EDNRB: variants seen among roughly 807,000 people sequenced by gnomAD.
The protein encoded by EDNRB is Hirschsprung disease 2.
A neutral mutation model predicts 46.4 loss-of-function variants in EDNRB; 18 were observed. The observed-to-expected ratio is 0.39, with a 90% CI of 0.27 to 0.57. The LOEUF is 0.57. Among genes scored for constraint, EDNRB ranks in the 20% least tolerant of loss-of-function variants. EDNRB has a pLI of 0.61. For synonymous variants in EDNRB, 213 were observed against 204.9 expected (o/e 1.04, Z -0.34); for missense variants, 434 against 537.5 (o/e 0.81, Z 1.90).
chr13:77,901,714 C>T (rs983962133), intron 3 of EDNRB, among the ~76,000 whole-genome samples: 4 of 151,856 alleles, frequency 2.6e-5, no homozygotes, highest in African/African-American at 9.7e-5. Context: ...TGACTTATGT[C>T]GTATCTCTTA....
At chr13:77,916,409 A>G (rs1380971174) in intron 1 of EDNRB, among the ~76,000 whole-genome samples, 1 of 152,184 alleles carries the variant, frequency 6.6e-6, no homozygotes, top group Non-Finnish European at 1.5e-5. Context: ...TTGTGGCTGC[A>G]TTTAGAGATT....
At chr13:77,957,378 C>T (rs771408095) in intron 1 of EDNRB, among the ~76,000 whole-genome samples, 9 of 152,146 alleles carry the variant, frequency 5.9e-5, no homozygotes, top group Non-Finnish European at 1.2e-4. Context: ...AGAATGCAAG[C>T]AGGCAAATCT....
chr13:77,931,968 T>G (rs1880422834), intron 1 of EDNRB, among the ~76,000 whole-genome samples: 1 of 151,954 alleles, frequency 6.6e-6, no homozygotes. Context: ...TTTAATTCTA[T>G]TTTCTACAAT....
intron 1 of EDNRB, among the ~76,000 whole-genome samples, chr13:77,914,817 G>A (rs1879731901): frequency 6.6e-6 from 1 of 152,210 alleles, no homozygotes; most frequent in Admixed American, 6.5e-5. Context: ...CCTGAAGACT[G>A]TAGCTTCCAA....
intron 1 of EDNRB, among the ~76,000 whole-genome samples, chr13:77,935,374 G>A (rs1880532204): frequency 6.6e-6 from 1 of 152,166 alleles, no homozygotes; most frequent in South Asian, 2.1e-4. Flanking sequence ...TAGGGTGGGG[G>A]CAGTCTCTAA....
rs371057149 is a variant in EDNRB, at chr13:77,903,196, A to T, written c.761T>A (p.Ile254Asn). The T allele has an allele frequency of 2.5e-6, 4 of 1,612,954 alleles. No individual in the cohort carries two copies. In the African/African-American group the frequency reaches 5.3e-5, roughly 22 times the overall value. The change falls in exon 3 of 7, where the codon ATC becomes AAC. Residue 254 changes from isoleucine (I) to asparagine (N), a missense_variant. Transcript: ENST00000646607. ...CTTCTGAACGGGATGAAGCAAGCAGATTCGCAGATAACTTCCTTTGTAGTC... is the reference window on the plus strand; with the variant it reads ...CTTCTGAACGGGATGAAGCAAGCAGTTTCGCAGATAACTTCCTTTGTAGTC... ...TMDYKGSYLRICLLHPVQKTA... is the reference protein window; with the variant it reads ...TMDYKGSYLRNCLLHPVQKTA...
Position 77,903,618 on chromosome 13 carries a change from A to G in EDNRB, c.484-11T>C. 1.9e-6 allele frequency: 3 copies of G among 1,611,408 alleles called. No homozygotes were observed. Among genetic ancestry groups the G allele is most frequent in the Non-Finnish European group, 1.7e-6 (2 of 1,178,092 alleles). On this transcript the variant is annotated splice_polypyrimidine_tract_variant and intron_variant, in intron 1 of 6. Transcript: ENST00000646607. ...GTCCTCTGCCAGCAGCTGCATTGAG[A>G]AGACACGAAGCTCTGTTAGGGGGTT... is the stretch of plus-strand genomic sequence containing the variant.
intron 1 of EDNRB, among the ~76,000 whole-genome samples, chr13:77,958,394 A>C (rs1264305511): frequency 6.8e-6 from 1 of 147,038 alleles, no homozygotes; most frequent in Non-Finnish European, 1.5e-5. Context: ...ATTTATTTTG[A>C]GACGGAGTCT....
intron 1 of EDNRB, chr13:77,944,700 G>A (rs1338059275): frequency 6.6e-6 from 1 of 152,114 alleles, no homozygotes; most frequent in Non-Finnish European, 1.5e-5. Context: ...AAATGAACAG[G>A]ATTTCTAAAG....
chr13:77,940,023 T>TAAATAAATAAAA (rs1314522161), intron 1 of EDNRB: 4 of 147,672 alleles, frequency 2.7e-5, no homozygotes, highest in African/African-American at 2.5e-5. Flanking sequence ...AATAAATAAA[T>TAAATAAATAAAA]AAAATAAAAA....
At chr13:77,954,672 A>G (rs1048951389) in intron 1 of EDNRB, among the ~76,000 whole-genome samples, 3 of 151,716 alleles carry the variant, frequency 2.0e-5, no homozygotes, top group African/African-American at 7.3e-5. Context: ...ACACATGGCT[A>G]ATTTTTGTAT....
chr13:77,914,258 G>A (rs1052989563), intron 1 of EDNRB, among the ~76,000 whole-genome samples: 1 of 152,052 alleles, frequency 6.6e-6, no homozygotes, highest in Non-Finnish European at 1.5e-5. Flanking sequence ...TGTTTGTCAC[G>A]ACAAAAGCTG....
At position 77,897,442 on chromosome 13, in the gene EDNRB, C is replaced by T; in HGVS notation, c.*758G>A. 2 of 985,018 alleles carry T rather than the reference C, an allele frequency of 2.0e-6. No individual in the cohort carries two copies. The highest frequency in any genetic ancestry group is 2.4e-6 in the Non-Finnish European group (2 of 829,630). The allele number at this position is 985,018 out of a possible 1,614,324, so 61.0% of individuals were successfully genotyped here. ...TTCTCTTTGTGAGGTTTGATCTTAA[C>T]TGAATGTAAAGGATGTAATAATTTT... On this transcript the variant is annotated 3_prime_UTR_variant, in exon 7 of 7. Transcript: ENST00000646607.
At chr13:77,911,015 C>A (rs1879539859) in intron 1 of EDNRB, among the ~76,000 whole-genome samples, 1 of 151,806 alleles carries the variant, frequency 6.6e-6, no homozygotes, top group South Asian at 2.1e-4. Flanking sequence ...CTGTAACAGG[C>A]CAGGAAAGAA....
upstream of EDNRB, among the ~76,000 whole-genome samples, chr13:77,922,293 C>T (rs1425319983): frequency 6.6e-6 from 1 of 152,168 alleles, no homozygotes; most frequent in Admixed American, 6.5e-5. Flanking sequence ...AATGCTTTAT[C>T]TAGAAGTTCC....
intron 1 of EDNRB, among the ~76,000 whole-genome samples, chr13:77,943,660 C>T (rs563172693): frequency 2.0e-5 from 3 of 152,152 alleles, no homozygotes; most frequent in South Asian, 4.2e-4. Flanking sequence ...GCATTCTTGA[C>T]TTATGAAATC....
At chr13:77,906,534 A>G (rs943258242) in intron 1 of EDNRB, among the ~76,000 whole-genome samples, 1 of 151,996 alleles carries the variant, frequency 6.6e-6, no homozygotes, top group African/African-American at 2.4e-5. Flanking sequence ...CTCTTGGAAC[A>G]CTTATTCTGG....
chr13:77,924,393 T>C (rs1467780490), upstream of EDNRB, among the ~76,000 whole-genome samples: 1 of 152,166 alleles, frequency 6.6e-6, no homozygotes, highest in African/African-American at 2.4e-5. Context: ...TTACTTCTTA[T>C]GAGGGCAGCA....
In EDNRB at chr13:77,895,742, T is replaced by G. The variant is rs1200000840; in HGVS notation, c.*2458A>C. 6.6e-6 allele frequency: 1 copy of G among 152,020 alleles called. No individual in the cohort carries two copies. The highest frequency in any genetic ancestry group is 1.9e-4 in the East Asian group (1 of 5,170). 9.4% of individuals were successfully genotyped at this position (152,020 alleles called of 1,614,324 possible). A position where few individuals can be genotyped will look rare whatever the true frequency, so the allele number is the denominator to read the frequency against. ...CAAAAAATCCTCCCAGATATATAAT[T>G]TTTTACATTGTTATATTACACTTTT... On this transcript the variant is annotated 3_prime_UTR_variant, in exon 7 of 7. Coordinates refer to ENST00000646607, the MANE Select transcript of EDNRB (RefSeq NM_001122659.3).
Sources: allele counts gnomAD v4.1 joint callset (sites outside exome capture counted in the v4.1 genomes callset), GRCh38; gene constraint gnomAD v4.1.1; transcripts MANE v1.5; gene names NCBI Gene and HGNC (gene_info 2026-07-23, HGNC 2026-07-21).